ZNF469: variants seen among roughly 807,000 people sequenced by gnomAD.
ZNF469 encodes zinc finger protein 469.
In ZNF469, 1 loss-of-function variant was observed where a neutral mutation model predicts 1.0. The observed-to-expected ratio is 1.00, with a 90% CI of 0.35 to 4.73. The LOEUF (loss-of-function observed/expected upper bound fraction) is 4.73, where lower values mean the gene tolerates loss of function less well. ZNF469 is among the 30% of genes most tolerant of loss of function. The pLI, the probability that ZNF469 is intolerant of heterozygous loss-of-function variation, is 0.16. For synonymous variants in ZNF469, 2,703 were observed against 2,363.4 expected (o/e 1.14, Z -4.17); for missense variants, 6,100 against 5,356.3 (o/e 1.14, Z -4.33).
At chr16:88,254,190 C>T in the ZNF469 span, among the ~76,000 whole-genome samples, 2 of 152,188 alleles carry the variant, frequency 1.3e-5, no homozygotes, top group African/African-American at 4.8e-5. Context: ...TAGTTTTGCA[C>T]AGATTGAGAT....
At chr16:88,130,476 C>T in the ZNF469 span, among the ~76,000 whole-genome samples, 1,824 of 146,292 alleles carry the variant, frequency 0.012, no homozygotes, top group African/African-American at 0.046. Context: ...GAGGCCGAGG[C>T]GGGCGGATCA....
Position 88,410,324 on chromosome 16 carries a change from G to A in ZNF469, c.-191-14483G>A, listed in dbSNP as rs118080226. 1.8e-3 allele frequency among the ~76,000 whole-genome samples: 277 copies of A among 150,838 alleles called. 2 individuals are homozygous for A. Among genetic ancestry groups the A allele is most frequent in the Non-Finnish European group, 3.3e-3 (225 of 67,782 alleles). ...CAGGTCACACAGTGACATCTATGGT[G>A]CATGGTTCACAGTAACGTCTATGAT... On this transcript the variant is annotated intron_variant, in intron 1 of 2. Transcript: ENST00000565624.
the ZNF469 span, among the ~76,000 whole-genome samples, chr16:88,184,840 G>T: frequency 6.6e-6 from 1 of 152,236 alleles, no homozygotes; most frequent in East Asian, 1.9e-4. Flanking sequence ...TCCCTCTCGG[G>T]CTGGCTTGTG....
chr16:88,389,071 T>C (rs1275595998), intron 1 of ZNF469, among the ~76,000 whole-genome samples: 1 of 152,262 alleles, frequency 6.6e-6, no homozygotes, highest in Non-Finnish European at 1.5e-5. Flanking sequence ...CTTCAGTGGC[T>C]TTCAGGATAT....
At chr16:88,384,807 T>C (rs1224546893) in intron 1 of ZNF469, among the ~76,000 whole-genome samples, 1 of 152,134 alleles carries the variant, frequency 6.6e-6, no homozygotes, top group East Asian at 1.9e-4. Context: ...TTTGGGGTCA[T>C]GAACTTCAAC....
the ZNF469 span, among the ~76,000 whole-genome samples, chr16:88,152,224 T>G: frequency 6.6e-6 from 1 of 152,234 alleles, no homozygotes; most frequent in East Asian, 1.9e-4. The surrounding 1 kb of genome is among the most constrained non-coding windows in gnomAD (Gnocchi z 4.2). Flanking sequence ...ACCATTTGGC[T>G]AAGATTCTGC....
At chr16:88,327,847 G>A in the ZNF469 span, among the ~76,000 whole-genome samples, 25 of 152,306 alleles carry the variant, frequency 1.6e-4, no homozygotes, top group East Asian at 4.4e-3. Flanking sequence ...GCCGGATCCC[G>A]AGTTCAGCTG....
rs1179050822 is a variant in ZNF469, at chr16:88,383,140, C to T, written c.-306C>T. Among the ~76,000 whole-genome samples, 5 of 148,394 alleles carry T rather than the reference C, an allele frequency of 3.4e-5. No individual in the cohort carries two copies. Among genetic ancestry groups the T allele is most frequent in the African/African-American group, 1.2e-4 (5 of 40,984 alleles). On this transcript the variant is annotated 5_prime_UTR_variant, in exon 1 of 3. Transcript: ENST00000565624. ...GTGCCCGGCGGGCGGGCGGCCCGGG[C>T]GGGCCTGCGGTCGGGATGAGGACGG...
the ZNF469 span, among the ~76,000 whole-genome samples, chr16:88,279,552 T>A: frequency 1.4e-5 from 2 of 143,280 alleles, no homozygotes; most frequent in Admixed American, 1.4e-4. Context: ...TAGATATCAG[T>A]GCACGGTTAG....
the ZNF469 span, among the ~76,000 whole-genome samples, chr16:88,342,841 C>A: frequency 6.6e-6 from 1 of 152,362 alleles, no homozygotes; most frequent in South Asian, 2.1e-4. Flanking sequence ...GGGCGATACC[C>A]GTCAAGCCCT....
intron 1 of ZNF469, among the ~76,000 whole-genome samples, chr16:88,405,826 C>T (rs1905014057): frequency 6.6e-6 from 1 of 152,242 alleles, no homozygotes; most frequent in South Asian, 2.1e-4. Flanking sequence ...GCCAGAAACG[C>T]CTCCAGCCCT....
rs953454298 is a variant in ZNF469, at chr16:88,429,004, G to C, written c.1534G>C (p.Glu512Gln). 9.7e-6 allele frequency: 15 copies of C among 1,549,534 alleles called. No individual in the cohort carries two copies. Among genetic ancestry groups the C allele is most frequent in the Non-Finnish European group, 1.3e-5 (15 of 1,146,740 alleles). ...GCTGCCTTTCCCCGCGGGGGGCCCCGAGTGGCAGGGGGGCAGCCAAGGAGC... is the reference window on the plus strand; with the variant it reads ...GCTGCCTTTCCCCGCGGGGGGCCCCCAGTGGCAGGGGGGCAGCCAAGGAGC... ...SRLPFPAGGP[E>Q]WQGGSQGALG... is the part of the protein sequence containing the mutation. The change falls in exon 3 of 3, where the codon GAG becomes CAG. Residue 512 changes from glutamate to glutamine, a missense_variant. Physicochemically the swap from Glu to Gln is conservative, Grantham distance 29. Transcript: ENST00000565624.
the ZNF469 span, chr16:88,178,865 C>CCTTCACCTGGAGGCT: frequency 3.4e-5 from 5 of 145,032 alleles, no homozygotes; most frequent in Non-Finnish European, 7.8e-5. Flanking sequence ...ACCTGGAGGC[C>CCTTCACCTGGAGGCT]GCCTTCACCT....
At chr16:88,312,390 C>T in the ZNF469 span, among the ~76,000 whole-genome samples, 1 of 152,222 alleles carries the variant, frequency 6.6e-6, no homozygotes, top group Non-Finnish European at 1.5e-5. Context: ...CCATTTGTCT[C>T]TTGACGGGTT....
chr16:88,167,460 G>A, the ZNF469 span, among the ~76,000 whole-genome samples: 5 of 152,130 alleles, frequency 3.3e-5, no homozygotes, highest in Admixed American at 2.6e-4. Flanking sequence ...CACCGACCAC[G>A]TCCACCTGGC....
At chr16:88,120,268 GA>G in the ZNF469 span, among the ~76,000 whole-genome samples, 8 of 152,356 alleles carry the variant, frequency 5.3e-5, no homozygotes, top group Admixed American at 4.6e-4. Flanking sequence ...AGAGCCTCGT[GA>G]CACTTGCTTT....
the ZNF469 span, among the ~76,000 whole-genome samples, chr16:88,377,748 C>G: frequency 6.6e-6 from 1 of 152,158 alleles, no homozygotes; most frequent in Non-Finnish European, 1.5e-5. Flanking sequence ...CAGCTGGCAT[C>G]CTGTACCCAC....
At chr16:88,384,252 C>G (rs1363853254) in intron 1 of ZNF469, among the ~76,000 whole-genome samples, 1 of 152,190 alleles carries the variant, frequency 6.6e-6, no homozygotes, top group Non-Finnish European at 1.5e-5. Context: ...GCGGTAGTGT[C>G]GTGGACAGCC....
chr16:88,175,305 G>A, the ZNF469 span, among the ~76,000 whole-genome samples: 2 of 152,166 alleles, frequency 1.3e-5, no homozygotes, highest in Non-Finnish European at 2.9e-5. Context: ...AGAATAAGCA[G>A]ACAGAAAGTC....
Sources: gnomAD v4.1 joint callset for allele counts (sites outside exome capture counted in the v4.1 genomes callset) on GRCh38, gnomAD v4.1.1 for gene constraint, Gnocchi (gnomAD v3.1) non-coding constraint, MANE v1.5 for transcripts, NCBI Gene and HGNC (gene_info 2026-07-23, HGNC 2026-07-21) for gene names.